Variants in FOXD4 observed in about 807,000 individuals in gnomAD.
FOXD4 encodes forkhead box D4, also known as forkhead box protein D4.
A neutral mutation model predicts 26.5 loss-of-function variants in FOXD4; 22 were observed. That is an observed-to-expected ratio of 0.83 (90% CI 0.59 to 1.18). The LOEUF (loss-of-function observed/expected upper bound fraction) is 1.18. Among genes scored for constraint, FOXD4 ranks in the 50% most tolerant of loss-of-function variants. FOXD4 has a pLI of 0.00. For synonymous variants in FOXD4, 258 were observed against 273.7 expected (o/e 0.94, Z 0.57); for missense variants, 625 against 605.8 (o/e 1.03, Z -0.33).
the FOXD4 span, chr9:116,859 GTGAGGTCCCC>G: frequency 1.9e-6 from 3 of 1,609,184 alleles, no homozygotes; most frequent in Non-Finnish European, 2.5e-6. Context: ...AAAAAAACTG[GTGAGGTCCCC>G]TCTCCGCCCA....
At position 117,678 on chromosome 9, in the gene FOXD4, A is replaced by G. The variant is rs1436282251; in HGVS notation, c.442T>C (p.Trp148Arg). The G allele has an allele frequency of 1.2e-6, 2 of 1,613,012 alleles. No individual in the cohort carries two copies. Among genetic ancestry groups the G allele is most frequent in the African/African-American group, 1.3e-5 (1 of 74,930 alleles). ...AGGTTGTGGCGGATGCTGTTCTGCC[A>G]GGCGGGGAACTTGCGGCGGTAGTAG... ...FPYYRRKFPA[W>R]QNSIRHNLSL... is the part of the protein sequence containing the mutation. Residue 148 changes from tryptophan (W) to arginine (R), a missense_variant, in exon 1 of 1, where the codon TGG (tryptophan) becomes CGG (arginine). Coordinates refer to ENST00000382500, the MANE Select transcript of FOXD4 (RefSeq NM_207305.5).
At position 118,092 on chromosome 9, in the gene FOXD4, G is replaced by T. The variant is rs769508778; in HGVS notation, c.28C>A (p.Arg10Ser). 2.0e-5 allele frequency: 33 copies of T among 1,611,832 alleles called. No individual in the cohort carries two copies. The highest frequency in any genetic ancestry group is 2.8e-5 in the Non-Finnish European group (33 of 1,179,856). MNLPRAERL[R>S]STPQRSLRDS... ...CGGAGGCTGCGCTGCGGTGTGGAGC[G>T]AAGGCGCTCAGCTCTTGGCAAGTTC... Residue 10 changes from arginine to serine, a missense_variant, in exon 1 of 1, where the codon CGC becomes AGC. Arg to Ser is a moderately radical substitution (Grantham distance 110). Transcript: ENST00000382500.
In FOXD4 at chr9:117,665, A is replaced by T. The variant is rs1417945742; in HGVS notation, c.455T>A (p.Ile152Asn). Residue 152 changes from isoleucine to asparagine, a missense_variant, in exon 1 of 1, where the codon ATC (isoleucine) becomes AAC (asparagine). Transcript: ENST00000382500. ...GTCGTTCAGCGAGAGGTTGTGGCGGATGCTGTTCTGCCAGGCGGGGAACTT... is the reference window on the plus strand; with the variant it reads ...GTCGTTCAGCGAGAGGTTGTGGCGGTTGCTGTTCTGCCAGGCGGGGAACTT... ...RRKFPAWQNSIRHNLSLNDCF... is the reference protein window; with the variant it reads ...RRKFPAWQNSNRHNLSLNDCF... The T allele has an allele frequency of 1.2e-6, 2 of 1,612,996 alleles. No homozygotes were observed. Among genetic ancestry groups the T allele is most frequent in the Non-Finnish European group, 1.7e-6 (2 of 1,179,904 alleles).
chr9:117,958 C>T lies in FOXD4; in HGVS notation c.162G>A (p.Gly54=). 4 of 1,611,960 alleles carry T rather than the reference C, an allele frequency of 2.5e-6. No individual in the cohort carries two copies. Among genetic ancestry groups the T allele is most frequent in the South Asian group, 2.2e-5 (2 of 90,990 alleles). ...QQFLEQSLQP[G]LQVARWGGVA... Reference sequence around the variant, plus strand: ...CCCCGCCCCACCGGGCCACCTGCAGCCCCGGCTGGAGCGACTGCTCTAGGA... The same window carrying T: ...CCCCGCCCCACCGGGCCACCTGCAGTCCCGGCTGGAGCGACTGCTCTAGGA... The change falls in exon 1 of 1, where the codon GGG becomes GGA. Residue 54 remains glycine (G), a synonymous_variant. Coordinates refer to ENST00000382500, the MANE Select transcript of FOXD4 (RefSeq NM_207305.5).
chr9:117,001 G>T, the FOXD4 span: 1 of 1,612,026 alleles, frequency 6.2e-7, no homozygotes. Flanking sequence ...AGCCGTTGGC[G>T]CAGTCCTCCT....
In FOXD4 at chr9:118,160, G is replaced by A; in HGVS notation, c.-41C>T. ...TCAGTCGCAGGGGATGTGGCGGCCG[G>A]ATCACCTGGCCCCGGCGGGCTGAGC... On this transcript the variant is annotated 5_prime_UTR_variant, in exon 1 of 1. Transcript: ENST00000382500. 3 of 1,547,242 alleles carry A rather than the reference G, an allele frequency of 1.9e-6. No homozygotes were observed. The highest frequency in any genetic ancestry group is 2.6e-6 in the Non-Finnish European group (3 of 1,151,096).
Position 117,500 on chromosome 9 carries a change from G to A in FOXD4, c.620C>T (p.Pro207Leu), listed in dbSNP as rs771701937. ...RKRFQRHQPT[P>L]GAHLPHPFPL... ...GAAGGGGTGGGGCAGGTGGGCTCCC[G>A]GGGTCGGTTGGTGGCGCTGGAAACG... is the stretch of plus-strand genomic sequence containing the variant. Residue 207 changes from proline to leucine, a missense_variant, in exon 1 of 1, where the codon CCG becomes CTG. Coordinates refer to ENST00000382500, the MANE Select transcript of FOXD4 (RefSeq NM_207305.5). 5.0e-6 allele frequency: 8 copies of A among 1,610,966 alleles called. No individual in the cohort carries two copies. The highest frequency in any genetic ancestry group is 2.2e-5 in the East Asian group (1 of 44,898).
At position 117,970 on chromosome 9, in the gene FOXD4, C is replaced by G. The variant is rs756427159; in HGVS notation, c.150G>C (p.Ser50=). The G allele has an allele frequency of 6.2e-7, 1 of 1,611,964 alleles. No homozygotes were observed. The highest frequency in any genetic ancestry group is 2.2e-5 in the East Asian group (1 of 44,880). The change falls in exon 1 of 1, where the codon TCG becomes TCC. Residue 50 remains serine (S), a synonymous_variant. Coordinates refer to ENST00000382500, the MANE Select transcript of FOXD4 (RefSeq NM_207305.5). The part of the protein sequence containing the change: ...EAASQQFLEQ[S]LQPGLQVARW... ...GGGCCACCTGCAGCCCCGGCTGGAGCGACTGCTCTAGGAACTGCTGGCTCG... is the reference window on the plus strand; with the variant it reads ...GGGCCACCTGCAGCCCCGGCTGGAGGGACTGCTCTAGGAACTGCTGGCTCG...
In FOXD4 at chr9:118,264, A is replaced by T; in HGVS notation, c.-145T>A. On this transcript the variant is annotated 5_prime_UTR_variant, in exon 1 of 1. Coordinates refer to ENST00000382500, the MANE Select transcript of FOXD4 (RefSeq NM_207305.5). ...GGGATGTTTTCCTCTGCTTGTTTCT[A>T]CGCCTTTGCAACAACGTCCGGCAAA... The T allele has an allele frequency of 6.5e-7, 1 of 1,550,344 alleles. No homozygotes were observed. The highest frequency in any genetic ancestry group is 1.2e-5 in the South Asian group (1 of 85,786).
chr9:117,486 G>T lies in FOXD4; in HGVS notation c.634C>A (p.Pro212Thr). 6.2e-7 allele frequency: 1 copy of T among 1,608,418 alleles called. No individual in the cohort carries two copies. The highest frequency in any genetic ancestry group is 8.5e-7 in the Non-Finnish European group (1 of 1,178,906). The change falls in exon 1 of 1, where the codon CCC becomes ACC. Residue 212 changes from proline to threonine, a missense_variant. By Grantham distance (38) the Pro-to-Thr change is conservative (BLOSUM62 -1). Around this residue, in one of 3 missense-constraint regions of FOXD4, gnomAD observed 399 missense variants for 329.4 expected, o/e 1.21. Transcript: ENST00000382500. ...RHQPTPGAHLPHPFPLPAAHA... is the reference protein window; with the variant it reads ...RHQPTPGAHLTHPFPLPAAHA... ...GCAGCAGGTAGAGGGAAGGGGTGGG[G>T]CAGGTGGGCTCCCGGGGTCGGTTGG...
chr9:116,365 T>G lies in FOXD4; in HGVS notation c.*435A>C. On this transcript the variant is annotated 3_prime_UTR_variant, in exon 1 of 1. Transcript: ENST00000382500. ...TTCTGAAATTAATATCCTACTTACA[T>G]TAAACATCCCTATCAGGAAGACACA... 4.5e-6 allele frequency: 1 copy of G among 223,682 alleles called. No individual in the cohort carries two copies. Among genetic ancestry groups the G allele is most frequent in the Non-Finnish European group, 9.8e-6 (1 of 102,038 alleles). 13.9% of individuals were successfully genotyped at this position (223,682 alleles called of 1,614,324 possible).
At position 117,358 on chromosome 9, in the gene FOXD4, G is replaced by A. The variant is rs2130625146; in HGVS notation, c.762C>T (p.Arg254=). ...GATGCGGGTGCAGCAGAGCGTAAGG[G>A]CGTCTCCCGGGGCCGGTGTTGGGGT... The part of the protein sequence containing the change: ...GAYPNTGPGR[R]PYALLHPHPP... The change falls in exon 1 of 1, where the codon CGC becomes CGT. Residue 254 remains arginine, a synonymous_variant. Coordinates refer to ENST00000382500, the MANE Select transcript of FOXD4 (RefSeq NM_207305.5). The A allele has an allele frequency of 1.9e-6, 3 of 1,590,126 alleles. No individual in the cohort carries two copies. Among genetic ancestry groups the A allele is most frequent in the African/African-American group, 1.4e-5 (1 of 73,934 alleles).
In FOXD4 at chr9:118,268, C is replaced by CT. The variant is rs1315457503; in HGVS notation, c.-150dup. 13 of 1,538,858 alleles carry CT rather than the reference C, an allele frequency of 8.4e-6. No homozygotes were observed. The highest frequency in any genetic ancestry group is 1.1e-5 in the Non-Finnish European group (13 of 1,131,190). On this transcript the variant is annotated 5_prime_UTR_variant, in exon 1 of 1. Coordinates refer to ENST00000382500, the MANE Select transcript of FOXD4 (RefSeq NM_207305.5). ...TGTTTTCCTCTGCTTGTTTCTACGC[C>CT]TTTGCAACAACGTCCGGCAAAGATG...
chr9:117,030 G>A, the FOXD4 span: 1 of 1,612,080 alleles, frequency 6.2e-7, no homozygotes, highest in Non-Finnish European at 8.5e-7. Flanking sequence ...CGCTGCTGTT[G>A]CTGCAAAATT....
Position 116,641 on chromosome 9 carries a change from G to C in FOXD4, c.*159C>G, listed in dbSNP as rs574910328. The C allele has an allele frequency of 1.2e-5, 14 of 1,216,452 alleles. No individual in the cohort carries two copies. In the African/African-American group the frequency reaches 2.0e-4, roughly 17 times the overall value. The allele number at this position is 1,216,452 out of a possible 1,614,324, so 75.4% of individuals were successfully genotyped here. A position where few individuals can be genotyped will look rare whatever the true frequency, so the allele number is the denominator to read the frequency against. On this transcript the variant is annotated 3_prime_UTR_variant, in exon 1 of 1. Coordinates refer to ENST00000382500, the MANE Select transcript of FOXD4 (RefSeq NM_207305.5). ...CGCCCTGCGAAGGTTACGTTCAGGT[G>C]GTTTTTAGAGGAACGTAATCCAGCT...
Position 116,786 on chromosome 9 carries a change from A to T in FOXD4, c.*14T>A. 1 of 1,581,320 alleles carries T rather than the reference A, an allele frequency of 6.3e-7. No homozygotes were observed. Among genetic ancestry groups the T allele is most frequent in the Non-Finnish European group, 8.6e-7 (1 of 1,164,080 alleles). On this transcript the variant is annotated 3_prime_UTR_variant, in exon 1 of 1. Transcript: ENST00000382500. ...AGTGAGCAGCTGCGGGTCGCTCCCCACTCCCACCTGGCTCTAGGAGGGCCC... is the reference window on the plus strand; with the variant it reads ...AGTGAGCAGCTGCGGGTCGCTCCCCTCTCCCACCTGGCTCTAGGAGGGCCC...
chr9:117,821 C>T lies in FOXD4; in HGVS notation c.299G>A (p.Arg100Gln), dbSNP rs747346019. The T allele has an allele frequency of 1.9e-6, 3 of 1,612,590 alleles. No homozygotes were observed. The highest frequency in any genetic ancestry group is 2.5e-6 in the Non-Finnish European group (3 of 1,179,984). ...CGAGGAGGGGGGCTTTGCCGGCTGC[C>T]GGGCATCTTCAGAGGCCGCCGCAGA... ...PRSAAASEDA[R>Q]QPAKPPSSYI... Residue 100 changes from arginine (R) to glutamine (Q), a missense_variant, in exon 1 of 1, where the codon CGG (arginine) becomes CAG (glutamine). Physicochemically the swap from Arg to Gln is conservative, Grantham distance 43. Transcript: ENST00000382500.
Position 117,800 on chromosome 9 carries a change from G to T in FOXD4, c.320C>A (p.Ser107Tyr), listed in dbSNP as rs2492217. The change falls in exon 1 of 1, where the codon TCC (serine) becomes TAC (tyrosine). Residue 107 changes from serine (S) to tyrosine (Y), a missense_variant. Transcript: ENST00000382500. ...EDARQPAKPPSSYIALITMAI... is the reference protein window; with the variant it reads ...EDARQPAKPPYSYIALITMAI... ...CATGGTGATGAGCGCGATGTACGAG[G>T]AGGGGGGCTTTGCCGGCTGCCGGGC... 2,508 of 1,468,556 alleles carry T rather than the reference G, an allele frequency of 1.7e-3. 1 individual carries two copies. Among genetic ancestry groups the T allele is most frequent in the East Asian group, 0.014 (380 of 28,118 alleles). The allele number at this position is 1,468,556 out of a possible 1,614,324, so 91.0% of individuals were successfully genotyped here. A position where few individuals can be genotyped will look rare whatever the true frequency, so the allele number is the denominator to read the frequency against.
In FOXD4 at chr9:116,958, G is replaced by A. The variant is rs770157390; in HGVS notation, c.1162C>T (p.His388Tyr). The stretch of plus-strand genomic sequence containing the variant: ...AGCAGCGCCGACGCGGCCGACAGGT[G>A]CCCGCCCAGCACCGCGCCCTTGGTG... ...APTKGAVLGG[H>Y]LSAASALLRY... The change falls in exon 1 of 1, where the codon CAC (histidine) becomes TAC (tyrosine). Residue 388 changes from histidine (H) to tyrosine (Y), a missense_variant. Transcript: ENST00000382500. 2 of 1,611,842 alleles carry A rather than the reference G, an allele frequency of 1.2e-6. No homozygotes were observed. The highest frequency in any genetic ancestry group is 1.7e-6 in the Non-Finnish European group (2 of 1,179,764).
Sources: gnomAD v4.1 joint callset for allele counts on GRCh38, gnomAD v4.1.1 for gene constraint, gnomAD v4.1.1 regional missense constraint, MANE v1.5 for transcripts, NCBI Gene and HGNC (gene_info 2026-07-23, HGNC 2026-07-21) for gene names.